The following MACROD2 variants were observed in gnomAD, a reference collection of about 807,000 sequenced individuals.
MACROD2 encodes the protein mono-ADP ribosylhydrolase 2, also known as ADP-ribose glycohydrolase MACROD2.
MACROD2 carries 36 observed loss-of-function variants against 70.4 expected under a neutral mutation model. The ratio of observed to expected loss-of-function variants is 0.51; its 90% CI spans 0.39 to 0.68. MACROD2 has a LOEUF of 0.68. Among genes scored for constraint, MACROD2 ranks in the 30% least tolerant of loss-of-function variants. The pLI, the probability that MACROD2 is intolerant of heterozygous loss-of-function variation, is 0.00. For missense variants in MACROD2, 496 were observed against 538.4 expected, an observed-to-expected ratio of 0.92 and a Z score of 0.78; for synonymous variants, 172 against 178.8, an observed-to-expected ratio of 0.96 and a Z score of 0.30.
chr20:14,289,267 G>A (rs186286663), intron 3 of MACROD2, among the ~76,000 whole-genome samples: 2 of 152,230 alleles, frequency 1.3e-5, no homozygotes, highest in East Asian at 1.9e-4. Context: ...GATTCATCCC[G>A]TTCAAGTAAC....
chr20:14,299,608 G>A (rs1260262172), intron 3 of MACROD2, among the ~76,000 whole-genome samples: 1 of 152,100 alleles, frequency 6.6e-6, no homozygotes, highest in African/African-American at 2.4e-5. Flanking sequence ...GAGGACTTTT[G>A]GTGGTCTAGA....
intron 8 of MACROD2, among the ~76,000 whole-genome samples, chr20:15,819,246 TATAA>T (rs1294873274): frequency 4.8e-5 from 7 of 144,916 alleles, no homozygotes; most frequent in Admixed American, 3.5e-4. Context: ...TACAAACATA[TATAA>T]ATATTTACAT....
At chr20:15,175,427 A>G (rs2076453391) in intron 5 of MACROD2, among the ~76,000 whole-genome samples, 1 of 152,054 alleles carries the variant, frequency 6.6e-6, no homozygotes, top group Non-Finnish European at 1.5e-5. Flanking sequence ...TTAAAGTATA[A>G]TAATAATAAA....
At chr20:14,083,808 C>T (rs993819145) in intron 2 of MACROD2, among the ~76,000 whole-genome samples, 1 of 151,056 alleles carries the variant, frequency 6.6e-6, no homozygotes, top group South Asian at 2.1e-4. Context: ...GGCCCAGGCG[C>T]GGTGGCTCAC....
chr20:14,234,974 A>T (rs1024836133), intron 3 of MACROD2, among the ~76,000 whole-genome samples: 1 of 152,126 alleles, frequency 6.6e-6, no homozygotes, highest in African/African-American at 2.4e-5. Context: ...GGTCAAAGTA[A>T]TTTTTTTAAC....
At chr20:15,906,799 A>C (rs2065153988) in intron 10 of MACROD2, among the ~76,000 whole-genome samples, 1 of 152,220 alleles carries the variant, frequency 6.6e-6, no homozygotes, top group African/African-American at 2.4e-5. Flanking sequence ...CAAGTGATGC[A>C]TCTTTGAAGA....
At chr20:14,881,436 G>A (rs972249527) in intron 5 of MACROD2, among the ~76,000 whole-genome samples, 4 of 151,898 alleles carry the variant, frequency 2.6e-5, no homozygotes, top group African/African-American at 9.7e-5. Context: ...CTGTGCCTCA[G>A]ACTTCAAATC....
At chr20:14,653,640 G>C (rs1985809010) in intron 4 of MACROD2, among the ~76,000 whole-genome samples, 3 of 152,052 alleles carry the variant, frequency 2.0e-5, no homozygotes, top group African/African-American at 7.3e-5. Flanking sequence ...ACAGGCATGA[G>C]CCACTGCACC....
intron 3 of MACROD2, among the ~76,000 whole-genome samples, chr20:14,225,119 A>AT (rs1260960946): frequency 5.9e-5 from 9 of 152,246 alleles, no homozygotes; most frequent in Non-Finnish European, 1.0e-4. Flanking sequence ...TCTTGTTGGT[A>AT]TTTTTTTCTA....
At chr20:15,278,523 A>G (rs2077413597) in intron 6 of MACROD2, among the ~76,000 whole-genome samples, 1 of 152,310 alleles carries the variant, frequency 6.6e-6, no homozygotes, top group Non-Finnish European at 1.5e-5. Context: ...AACTTATCCT[A>G]GTCTCAGGTG....
intron 7 of MACROD2, among the ~76,000 whole-genome samples, chr20:15,453,771 A>G (rs948315422): frequency 1.3e-5 from 2 of 152,150 alleles, no homozygotes; most frequent in Non-Finnish European, 2.9e-5. Context: ...CCTGTCCTAA[A>G]AAGCACCATG....
intron 6 of MACROD2, among the ~76,000 whole-genome samples, chr20:15,283,304 A>G (rs776939051): frequency 1.1e-4 from 17 of 152,218 alleles, no homozygotes; most frequent in Non-Finnish European, 2.2e-4. Context: ...TGAGTTTGGT[A>G]AGACTTAGTT....
chr20:15,282,976 A>C (rs1433852936), intron 6 of MACROD2, among the ~76,000 whole-genome samples: 1 of 152,208 alleles, frequency 6.6e-6, no homozygotes, highest in East Asian at 1.9e-4. Context: ...CAATCATGGT[A>C]GCAAAGAAGA....
chr20:15,589,429 T>C (rs1229583766), intron 8 of MACROD2, among the ~76,000 whole-genome samples: 2 of 152,224 alleles, frequency 1.3e-5, no homozygotes, highest in East Asian at 3.8e-4. Context: ...GAGAGAGTTC[T>C]CATATACCCC....
Position 14,900,788 on chromosome 20 carries a change from A to G in MACROD2, c.418+215829A>G, listed in dbSNP as rs112908337. ...CATTGGTTTTCTCTTTTGTTATTCT[A>G]TTCTCTATTTCATTTGTTTCTGCTT... is the stretch of plus-strand genomic sequence containing the variant. On this transcript the variant is annotated intron_variant, in intron 5 of 17. Transcript: ENST00000684519. Among the ~76,000 whole-genome samples the G allele has an allele frequency of 4.1e-3, 622 of 150,718 alleles. 2 individuals carry two copies. Among genetic ancestry groups the G allele is most frequent in the African/African-American group, 0.014 (586 of 41,062 alleles).
chr20:15,871,099 C>T (rs1390387720), intron 9 of MACROD2, among the ~76,000 whole-genome samples: 2 of 149,980 alleles, frequency 1.3e-5, no homozygotes, highest in Non-Finnish European at 3.0e-5. Context: ...TTGCTTGAAC[C>T]CGAGAGGTGG....
intron 5 of MACROD2, among the ~76,000 whole-genome samples, chr20:14,966,600 C>T (rs879662199): frequency 1.2e-4 from 19 of 152,168 alleles, no homozygotes; most frequent in African/African-American, 4.3e-4. Flanking sequence ...TCACCCTTCT[C>T]ATTTCATCCT....
At chr20:15,616,931 G>GCTT (rs2049047644) in intron 8 of MACROD2, among the ~76,000 whole-genome samples, 1 of 152,152 alleles carries the variant, frequency 6.6e-6, no homozygotes, top group African/African-American at 2.4e-5. Context: ...GACTGCTAAT[G>GCTT]CTTTTCCTTC....
intron 8 of MACROD2, among the ~76,000 whole-genome samples, chr20:15,827,786 G>T (rs1392708060): frequency 2.0e-5 from 3 of 152,160 alleles, no homozygotes; most frequent in Non-Finnish European, 2.9e-5. Flanking sequence ...ACCCTAACTA[G>T]CCATTTGCAT....
Sources: allele counts gnomAD v4.1 joint callset (sites outside exome capture counted in the v4.1 genomes callset), GRCh38; gene constraint gnomAD v4.1.1; transcripts MANE v1.5; gene names NCBI Gene and HGNC (gene_info 2026-07-23, HGNC 2026-07-21).